KCTD16: variants seen among roughly 807,000 people sequenced by gnomAD.
KCTD16 encodes BTB/POZ domain-containing protein KCTD16.
Under a neutral mutation model 33.2 loss-of-function variants are expected in KCTD16, and 13 were observed. The ratio of observed to expected loss-of-function variants is 0.39; its 90% confidence interval spans 0.25 to 0.62. KCTD16 has a LOEUF of 0.62. Ranked by LOEUF, KCTD16 falls within the 20% of genes least tolerant of loss-of-function variation. KCTD16 has a pLI of 0.50. For synonymous variants in KCTD16, 197 were observed against 195.3 expected, an observed-to-expected ratio of 1.01 and a Z score of -0.07; for missense variants, 441 against 525.1, an observed-to-expected ratio of 0.84 and a Z score of 1.57.
intron 3 of KCTD16, among the ~76,000 whole-genome samples, chr5:144,423,507 T>A (rs1208225922): frequency 1.3e-5 from 2 of 152,098 alleles, no homozygotes; most frequent in Non-Finnish European, 2.9e-5. Flanking sequence ...AGACAATGTC[T>A]CTAGATACTG....
chr5:144,361,000 C>A (rs1308244862), intron 3 of KCTD16, among the ~76,000 whole-genome samples: 1 of 151,276 alleles, frequency 6.6e-6, no homozygotes, highest in African/African-American at 2.4e-5. Context: ...GTGTGCTGCA[C>A]CCACTAACTC....
intron 3 of KCTD16, among the ~76,000 whole-genome samples, chr5:144,278,243 T>C (rs992705424): frequency 3.9e-5 from 6 of 152,016 alleles, no homozygotes; most frequent in African/African-American, 1.4e-4. Flanking sequence ...TGTTTAATCG[T>C]CAAACACCAT....
At chr5:144,277,366 CA>C (rs1484754935) in intron 3 of KCTD16, among the ~76,000 whole-genome samples, 1 of 152,168 alleles carries the variant, frequency 6.6e-6, no homozygotes, top group Non-Finnish European at 1.5e-5. Flanking sequence ...TGAAGAAAAA[CA>C]TCACAAACTG....
At chr5:144,299,125 TATATATATATATATATA>T (rs1561558600) in intron 3 of KCTD16, among the ~76,000 whole-genome samples, 2 of 24,176 alleles carry the variant, frequency 8.3e-5, no homozygotes, top group African/African-American at 8.1e-4. Context: ...TATATATATA[TATATATATATATATATA>T]TATATATTTT....
intron 3 of KCTD16, among the ~76,000 whole-genome samples, chr5:144,257,828 A>C (rs752513755): frequency 2.0e-5 from 3 of 152,282 alleles, no homozygotes; most frequent in South Asian, 4.1e-4. Flanking sequence ...TCAGCTTATC[A>C]TAATGAGTAG....
At chr5:144,326,271 A>G (rs1280603787) in intron 3 of KCTD16, among the ~76,000 whole-genome samples, 2 of 152,166 alleles carry the variant, frequency 1.3e-5, no homozygotes, top group Non-Finnish European at 2.9e-5. Context: ...TGTGACAATA[A>G]AGTCTGTGAA....
At chr5:144,435,229 G>A (rs139362359) in intron 3 of KCTD16, among the ~76,000 whole-genome samples, 9 of 152,266 alleles carry the variant, frequency 5.9e-5, no homozygotes, top group East Asian at 5.8e-4. Flanking sequence ...TAGCTAGGGC[G>A]TTTTACCTGT....
At chr5:144,471,134 C>G (rs1255910717) in intron 3 of KCTD16, among the ~76,000 whole-genome samples, 1 of 152,012 alleles carries the variant, frequency 6.6e-6, no homozygotes, top group Non-Finnish European at 1.5e-5. Flanking sequence ...GAACTGAGAT[C>G]GTAGCACCAC....
chr5:144,467,332 C>T (rs530577363), intron 3 of KCTD16, among the ~76,000 whole-genome samples: 2 of 152,028 alleles, frequency 1.3e-5, no homozygotes, highest in African/African-American at 2.4e-5. Context: ...CACACATTCA[C>T]ACACTCTAAC....
intron 3 of KCTD16, among the ~76,000 whole-genome samples, chr5:144,417,207 G>A (rs1753076297): frequency 6.6e-6 from 1 of 152,094 alleles, no homozygotes; most frequent in Admixed American, 6.6e-5. Flanking sequence ...ATATTCAGGG[G>A]CTAAATATTT....
intron 3 of KCTD16, among the ~76,000 whole-genome samples, chr5:144,452,459 T>A (rs772985977): frequency 6.6e-6 from 1 of 151,192 alleles, no homozygotes; most frequent in Non-Finnish European, 1.5e-5. Flanking sequence ...ATTTTTAATA[T>A]GAGAGAGAGA....
At chr5:144,334,512 G>T (rs1298294035) in intron 3 of KCTD16, among the ~76,000 whole-genome samples, 1 of 152,140 alleles carries the variant, frequency 6.6e-6, no homozygotes, top group Non-Finnish European at 1.5e-5. Flanking sequence ...ATGACAAAAA[G>T]TTGCCCTTCT....
intron 3 of KCTD16, among the ~76,000 whole-genome samples, chr5:144,265,515 C>T (rs975105834): frequency 3.3e-5 from 5 of 152,200 alleles, no homozygotes; most frequent in Admixed American, 3.3e-4. Context: ...TTGAAACAAA[C>T]TCCTGCCCAT....
At chr5:144,271,223 A>G (rs1333509746) in intron 3 of KCTD16, among the ~76,000 whole-genome samples, 1 of 152,120 alleles carries the variant, frequency 6.6e-6, no homozygotes, top group Non-Finnish European at 1.5e-5. Flanking sequence ...AAAGAAGTAT[A>G]GACTAATATC....
intron 3 of KCTD16, among the ~76,000 whole-genome samples, chr5:144,445,529 C>T (rs962648705): frequency 8.6e-5 from 13 of 151,978 alleles, no homozygotes; most frequent in Non-Finnish European, 1.3e-4. Flanking sequence ...CCTATTACAT[C>T]TTTGTATAGA....
chr5:144,299,122 A>AC (rs1756156651), intron 3 of KCTD16, among the ~76,000 whole-genome samples: 7 of 21,910 alleles, frequency 3.2e-4, no homozygotes, highest in Non-Finnish European at 5.5e-4. Context: ...ATATATATAT[A>AC]TATATATATA....
At chr5:144,251,162 C>T (rs760244843) in intron 3 of KCTD16, among the ~76,000 whole-genome samples, 16 of 152,084 alleles carry the variant, frequency 1.1e-4, no homozygotes, top group Non-Finnish European at 1.5e-4. Flanking sequence ...TCAATTAAGG[C>T]GAAGCTTGAA....
chr5:144,394,847 T>C (rs1027794825), intron 3 of KCTD16, among the ~76,000 whole-genome samples: 1 of 152,224 alleles, frequency 6.6e-6, no homozygotes, highest in Non-Finnish European at 1.5e-5. Context: ...CAGTTAAACT[T>C]CTTTCCTTTA....
intron 3 of KCTD16, among the ~76,000 whole-genome samples, chr5:144,284,472 AAACTCT>A (rs1755689863): frequency 6.6e-6 from 1 of 152,234 alleles, no homozygotes; most frequent in Non-Finnish European, 1.5e-5. Context: ...TGGTTTTCTA[AAACTCT>A]AACAGTAACA....
Sources: gnomAD v4.1 joint callset for allele counts (sites outside exome capture counted in the v4.1 genomes callset) on GRCh38, gnomAD v4.1.1 for gene constraint, MANE v1.5 for transcripts, NCBI Gene and HGNC (gene_info 2026-07-23, HGNC 2026-07-21) for gene names.